Variants in TBC1D1 observed in about 807,000 individuals in gnomAD.
The protein encoded by TBC1D1 is TBC1 (tre-2/USP6, BUB2, cdc16) domain family, member 1.
Under a neutral mutation model 125.6 loss-of-function variants are expected in TBC1D1, and 89 were observed. The observed-to-expected ratio is 0.71, with a 90% CI of 0.60 to 0.85. The LOEUF (loss-of-function observed/expected upper bound fraction) is 0.85. Among genes scored for constraint, TBC1D1 ranks in the 40% least tolerant of loss-of-function variants. The probability of loss-of-function intolerance (pLI) is 0.00; values close to 1 mark genes in which losing one functional copy is unlikely to be tolerated. For synonymous variants in TBC1D1, 565 were observed against 564.1 expected (o/e 1.00, Z -0.02); for missense variants, 1,377 against 1,469.2 (o/e 0.94, Z 1.03).
intron 12 of TBC1D1, among the ~76,000 whole-genome samples, chr4:38,086,244 C>G (rs572528467): frequency 6.6e-6 from 1 of 152,140 alleles, no homozygotes; most frequent in Non-Finnish European, 1.5e-5. Flanking sequence ...TTAGGAGAGA[C>G]GAAATGGTGA....
chr4:37,990,873 G>C (rs1191008864), intron 2 of TBC1D1, among the ~76,000 whole-genome samples: 2 of 152,218 alleles, frequency 1.3e-5, no homozygotes, highest in Admixed American at 6.5e-5. Context: ...ACACAACTCT[G>C]TATTTGTTTT....
At chr4:38,058,273 C>T (rs547965151) in intron 12 of TBC1D1, among the ~76,000 whole-genome samples, 3 of 152,286 alleles carry the variant, frequency 2.0e-5, no homozygotes, top group Non-Finnish European at 2.9e-5. Context: ...CCAGAGCCCT[C>T]CACTGTGGTC....
At chr4:37,942,163 T>C (rs548241651) in intron 2 of TBC1D1, among the ~76,000 whole-genome samples, 1 of 152,316 alleles carries the variant, frequency 6.6e-6, no homozygotes, top group South Asian at 2.1e-4. Context: ...GGTCTAAGTC[T>C]CTTTGTAAGT....
intron 2 of TBC1D1, among the ~76,000 whole-genome samples, chr4:37,933,895 G>A (rs1248156823): frequency 6.6e-6 from 1 of 152,208 alleles, no homozygotes; most frequent in Non-Finnish European, 1.5e-5. Context: ...CTTTCAAGCA[G>A]AGCGTCAGTC....
At chr4:37,944,717 T>C (rs1726298120) in intron 2 of TBC1D1, among the ~76,000 whole-genome samples, 1 of 152,210 alleles carries the variant, frequency 6.6e-6, no homozygotes, top group African/African-American at 2.4e-5. Flanking sequence ...GACCCGATTT[T>C]CCAGGGGCTG....
chr4:38,111,219 C>T (rs1762149569), intron 15 of TBC1D1, among the ~76,000 whole-genome samples: 1 of 152,056 alleles, frequency 6.6e-6, no homozygotes, highest in East Asian at 1.9e-4. Context: ...CTCATCCACT[C>T]TCTACCCACG....
intron 8 of TBC1D1, among the ~76,000 whole-genome samples, chr4:38,036,782 C>T (rs1747300567): frequency 6.6e-6 from 1 of 152,202 alleles, no homozygotes; most frequent in Admixed American, 6.5e-5. Flanking sequence ...TTAGCAGTGA[C>T]TCTAACATGA....
intron 2 of TBC1D1, among the ~76,000 whole-genome samples, chr4:37,906,714 C>A (rs1717420961): frequency 6.6e-6 from 1 of 152,098 alleles, no homozygotes; most frequent in African/African-American, 2.4e-5. Context: ...TTATTTGGTG[C>A]CAAAAAATGG....
At chr4:37,987,455 A>C (rs1279327384) in intron 2 of TBC1D1, among the ~76,000 whole-genome samples, 3 of 152,236 alleles carry the variant, frequency 2.0e-5, no homozygotes, top group Non-Finnish European at 4.4e-5. Context: ...ACGCATGTTC[A>C]ATATGTGAAA....
chr4:37,997,182 T>TCA (rs1026937815), intron 2 of TBC1D1, among the ~76,000 whole-genome samples: 105 of 152,376 alleles, frequency 6.9e-4, no homozygotes, highest in African/African-American at 2.5e-3. Flanking sequence ...ACCATTAGCT[T>TCA]CACGAGACAG....
intron 16 of TBC1D1, among the ~76,000 whole-genome samples, chr4:38,116,255 A>G (rs1254203170): frequency 6.6e-6 from 1 of 151,788 alleles, no homozygotes; most frequent in Non-Finnish European, 1.5e-5. Flanking sequence ...GGCCTCTCTG[A>G]CTCTAGGGCC....
At chr4:38,005,682 G>C (rs1740004209) in intron 2 of TBC1D1, among the ~76,000 whole-genome samples, 1 of 152,202 alleles carries the variant, frequency 6.6e-6, no homozygotes, top group Admixed American at 6.5e-5. Context: ...TGCCCTCAGA[G>C]ATCTGGCTAA....
At chr4:38,123,748 A>G (rs1397530516) in intron 17 of TBC1D1, among the ~76,000 whole-genome samples, 1 of 152,218 alleles carries the variant, frequency 6.6e-6, no homozygotes, top group Non-Finnish European at 1.5e-5. Flanking sequence ...CACCCATCTC[A>G]GCTCACATGG....
At chr4:37,905,003 T>C (rs772717594) in intron 2 of TBC1D1, among the ~76,000 whole-genome samples, 7 of 152,190 alleles carry the variant, frequency 4.6e-5, no homozygotes, top group Non-Finnish European at 8.8e-5. Flanking sequence ...AGGTCAGCAC[T>C]AACTGCATTT....
At chr4:37,955,100 C>G (rs964515220) in intron 2 of TBC1D1, among the ~76,000 whole-genome samples, 4 of 152,118 alleles carry the variant, frequency 2.6e-5, no homozygotes, top group African/African-American at 9.7e-5. Flanking sequence ...ACTATCTCAT[C>G]TTTCTTTAAC....
intron 7 of TBC1D1, among the ~76,000 whole-genome samples, chr4:38,032,752 G>A (rs1347145639): frequency 1.3e-5 from 2 of 150,886 alleles, no homozygotes; most frequent in Admixed American, 6.6e-5. Context: ...GGAGAATGGC[G>A]TGAACCTGGG....
rs376905847 is a variant in TBC1D1 at position 38,027,834 on chromosome 4, G to A, written c.1257G>A (p.Thr419=). ...AACTAGAACTGCAAAAGCACCTGACGACATTAACCAATCAGGAGCAGGCGA... is the reference window on the plus strand; with the variant it reads ...AACTAGAACTGCAAAAGCACCTGACAACATTAACCAATCAGGAGCAGGCGA... Residue 419 remains threonine, a synonymous_variant, in exon 7 of 20, where the codon ACG becomes ACA. Coordinates refer to ENST00000261439, the MANE Select transcript of TBC1D1 (RefSeq NM_015173.4). 7.4e-6 allele frequency: 12 copies of A among 1,613,414 alleles called. No individual in the cohort carries two copies. The highest frequency in any genetic ancestry group is 2.2e-5 in the East Asian group (1 of 44,870).
chr4:38,113,233 A>G (rs1223468757), intron 15 of TBC1D1, among the ~76,000 whole-genome samples: 2 of 152,206 alleles, frequency 1.3e-5, no homozygotes, highest in African/African-American at 4.8e-5. Flanking sequence ...GGTCCTTCTA[A>G]GCACAGAGCC....
At chr4:37,908,108 G>A (rs914365300) in intron 2 of TBC1D1, among the ~76,000 whole-genome samples, 1 of 152,104 alleles carries the variant, frequency 6.6e-6, no homozygotes, top group South Asian at 2.1e-4. Context: ...TCTTGAGATG[G>A]TAATAGGTGG....
Sources: allele counts gnomAD v4.1 joint callset (sites outside exome capture counted in the v4.1 genomes callset), GRCh38; gene constraint gnomAD v4.1.1; transcripts MANE v1.5; gene names NCBI Gene and HGNC (gene_info 2026-07-23, HGNC 2026-07-21).